The following ZYG11A variants were observed in gnomAD, a reference collection of about 807,000 sequenced individuals.
ZYG11A encodes the protein zyg-11 family member A, cell cycle regulator.
ZYG11A carries 62 observed loss-of-function variants against 77.2 expected under a neutral mutation model. The observed-to-expected ratio is 0.80, with a 90% CI of 0.65 to 0.99. ZYG11A has a LOEUF of 0.99. Among genes scored for constraint, ZYG11A ranks in the 50% least tolerant of loss-of-function variants. The probability of loss-of-function intolerance (pLI) is 0.00; values close to 1 mark genes in which losing one functional copy is unlikely to be tolerated. For missense variants in ZYG11A, 828 were observed against 896.8 expected (o/e 0.92, Z 0.98); for synonymous variants, 315 against 324.6 (o/e 0.97, Z 0.32).
intron 11 of ZYG11A, among the ~76,000 whole-genome samples, chr1:52,885,240 T>G (rs1646428414): frequency 6.6e-6 from 1 of 151,662 alleles, no homozygotes; most frequent in South Asian, 2.1e-4. Context: ...CACTGTAATT[T>G]CACTTCAGGA....
At chr1:52,886,844 G>T (rs917084255) in intron 12 of ZYG11A, 112 bp from the exon 13 acceptor site, 3 of 288,340 alleles carry the variant, frequency 1.0e-5, no homozygotes, top group African/African-American at 4.5e-5. Flanking sequence ...ACCATGCCCG[G>T]CTGTGAAAAT....
intron 11 of ZYG11A, 24 bp downstream of exon 11, chr1:52,881,689 A>G (rs1646365307): frequency 6.7e-7 from 1 of 1,503,170 alleles, no homozygotes; most frequent in Non-Finnish European, 9.0e-7. Flanking sequence ...ATTCTTATTT[A>G]TAAAATCCAG....
intron 3 of ZYG11A, 99 bp downstream of exon 3, chr1:52,857,848 A>G (rs1477706436): frequency 4.9e-6 from 5 of 1,019,704 alleles, no homozygotes; most frequent in African/African-American, 1.6e-5. Context: ...GGTTACAGAG[A>G]CAGATAAAAA....
chr1:52,892,389 G>C (rs1010184427), intron 13 of ZYG11A, among the ~76,000 whole-genome samples: 14 of 151,060 alleles, frequency 9.3e-5, no homozygotes, highest in African/African-American at 3.2e-4. Flanking sequence ...TTAGCCGGGC[G>C]TGGTGGGGCA....
rs1646571161 is a variant in ZYG11A, at chr1:52,892,948, G to T, written c.2271G>T (p.Met757Ile). The change falls in exon 14 of 14, where the codon ATG (methionine) becomes ATT (isoleucine). Residue 757 changes from methionine to isoleucine, a missense_variant. Transcript: ENST00000371528. ...ATCAGAGGCCCACTCTGTGTCAAAT[G>T]CCCTTCTGAACCTAAGGAATTTCAG... ...MNYQRPTLCQMPF is the reference protein window; with the variant it reads ...MNYQRPTLCQIPF 1 of 1,551,652 alleles carries T rather than the reference G, an allele frequency of 6.4e-7. No homozygotes were observed.
At chr1:52,869,966 C>A (rs868461001) in intron 8 of ZYG11A, among the ~76,000 whole-genome samples, 1 of 76,142 alleles carries the variant, frequency 1.3e-5, no homozygotes, top group Non-Finnish European at 3.3e-5. Flanking sequence ...GGGGGCTGAC[C>A]CCCCCCCACC....
rs1379902861 is a variant in ZYG11A at position 52,866,635 on chromosome 1, A to G, written c.1391+68A>G. On this transcript the variant is annotated intron_variant, in intron 6 of 13. Transcript: ENST00000371528. ...GGTTATTAAATGCAGAGGCCTGATT[A>G]AGGCTGGGATAAGGTGTTTGGAGAG... is the stretch of plus-strand genomic sequence containing the variant. 10 of 930,076 alleles carry G rather than the reference A, an allele frequency of 1.1e-5. No homozygotes were observed. In the East Asian group the frequency reaches 2.4e-4, roughly 22 times the overall value. The allele number at this position is 930,076 out of a possible 1,614,324, so 57.6% of individuals were successfully genotyped here.
At position 52,886,975 on chromosome 1, in the gene ZYG11A, C is replaced by T; in HGVS notation, c.2026C>T (p.Pro676Ser). 1.3e-6 allele frequency: 2 copies of T among 1,548,748 alleles called. No homozygotes were observed. The highest frequency in any genetic ancestry group is 8.7e-7 in the Non-Finnish European group (1 of 1,144,922). Residue 676 changes from proline (P) to serine (S), a missense_variant, in exon 13 of 14, where the codon CCG (proline) becomes TCG (serine). Physicochemically the swap from Pro to Ser is moderately conservative, Grantham distance 74. Coordinates refer to ENST00000371528, the MANE Select transcript of ZYG11A (RefSeq NM_001004339.3). ...TTTTAGATCTTTCAAGACATTTTTC[C>T]CGCTCCTTGGCAACTTCTCTCAACC... ...VTYRSFKTFF[P>S]LLGNFSQPEV... is the part of the protein sequence containing the mutation.
At chr1:52,885,395 G>A (rs1646432232) in intron 11 of ZYG11A, among the ~76,000 whole-genome samples, 1 of 147,844 alleles carries the variant, frequency 6.8e-6, no homozygotes, top group Non-Finnish European at 1.5e-5. Flanking sequence ...TAGTAGAAAC[G>A]GGGTTTCACC....
intron 11 of ZYG11A, 36 bp from the exon 12 acceptor site, chr1:52,885,797 T>C: frequency 6.9e-7 from 1 of 1,454,458 alleles, no homozygotes; most frequent in African/African-American, 1.4e-5. Context: ...GATGGATTAT[T>C]CAAATGTTGG....
At chr1:52,888,177 C>T (rs566806041) in intron 13 of ZYG11A, among the ~76,000 whole-genome samples, 1 of 152,168 alleles carries the variant, frequency 6.6e-6, no homozygotes, top group Non-Finnish European at 1.5e-5. Context: ...ATTTAAAAGC[C>T]TGAAATAATT....
At chr1:52,870,709 A>G (rs935710775) in intron 8 of ZYG11A, among the ~76,000 whole-genome samples, 4 of 152,190 alleles carry the variant, frequency 2.6e-5, no homozygotes, top group African/African-American at 9.7e-5. Flanking sequence ...AAAAATACGA[A>G]AAACAGTCAG....
chr1:52,862,580 G>A (rs1645950527), intron 4 of ZYG11A, among the ~76,000 whole-genome samples: 1 of 152,052 alleles, frequency 6.6e-6, no homozygotes, highest in African/African-American at 2.4e-5. Flanking sequence ...CCAAAGTGCT[G>A]GGATTACAGG....
At chr1:52,891,534 T>C (rs59329016) in intron 13 of ZYG11A, among the ~76,000 whole-genome samples, 6,765 of 151,878 alleles carry the variant, frequency 0.045, 655 homozygotes, top group African/African-American at 0.15. Flanking sequence ...TTCTCAGCAA[T>C]ATTCAGGTAG....
At chr1:52,877,150 T>C (rs1183183053) in intron 8 of ZYG11A, among the ~76,000 whole-genome samples, 1 of 152,102 alleles carries the variant, frequency 6.6e-6, no homozygotes, top group African/African-American at 2.4e-5. Context: ...TTCCTGCATG[T>C]CCCCATTTCT....
At chr1:52,850,653 A>G (rs1414687230) in intron 1 of ZYG11A, among the ~76,000 whole-genome samples, 1 of 151,984 alleles carries the variant, frequency 6.6e-6, no homozygotes, top group Admixed American at 6.6e-5. Flanking sequence ...ACGGGGTTTC[A>G]CCATGTTGGC....
intron 8 of ZYG11A, among the ~76,000 whole-genome samples, chr1:52,873,730 A>G (rs1175397784): frequency 6.6e-6 from 1 of 152,184 alleles, no homozygotes; most frequent in Non-Finnish European, 1.5e-5. Context: ...TCATGCCTGT[A>G]ATCCCAGCAC....
chr1:52,894,432 C>T lies in ZYG11A; in HGVS notation c.*1475C>T, dbSNP rs975898091. 6.6e-6 allele frequency: 1 copy of T among 152,206 alleles called. No individual in the cohort carries two copies. Among genetic ancestry groups the T allele is most frequent in the Non-Finnish European group, 1.5e-5 (1 of 68,044 alleles). 9.4% of individuals were successfully genotyped at this position (152,206 alleles called of 1,614,324 possible). On this transcript the variant is annotated 3_prime_UTR_variant, in exon 14 of 14. Transcript: ENST00000371528. ...ACTACAGTATAAACTATATCAGAAG[C>T]TTACTTGATAAGCCTTGCGGAGCTG...
At chr1:52,878,873 A>T (rs553526458) in intron 10 of ZYG11A, among the ~76,000 whole-genome samples, 1 of 144,970 alleles carries the variant, frequency 6.9e-6, no homozygotes, top group Admixed American at 7.1e-5. Context: ...TGGGAGGTAG[A>T]GATTGAAATG....
Sources: allele counts gnomAD v4.1 joint callset (sites outside exome capture counted in the v4.1 genomes callset), GRCh38; gene constraint gnomAD v4.1.1; transcripts MANE v1.5; gene names NCBI Gene and HGNC (gene_info 2026-07-23, HGNC 2026-07-21).